BCAS3: variants seen among roughly 807,000 people sequenced by gnomAD.
BCAS3 encodes the protein BCAS4/BCAS3 fusion.
A neutral mutation model predicts 116.1 loss-of-function variants in BCAS3; 53 were observed. The observed-to-expected ratio is 0.46, with a 90% confidence interval of 0.37 to 0.57. BCAS3 has a LOEUF of 0.57. Among genes scored for constraint, BCAS3 ranks in the 20% least tolerant of loss-of-function variants. The pLI is 0.00. For missense variants in BCAS3, 917 were observed against 1,165.4 expected (o/e 0.79, Z 3.10); for synonymous variants, 391 against 408.2 (o/e 0.96, Z 0.51).
intron 22 of BCAS3, among the ~76,000 whole-genome samples, chr17:61,263,686 CT>C (rs1379719056): frequency 6.6e-6 from 1 of 152,170 alleles, no homozygotes; most frequent in Non-Finnish European, 1.5e-5. Flanking sequence ...CCTATTATGA[CT>C]TTTATTTAAA....
rs540264052 is a variant in BCAS3, at chr17:61,348,897, C to T, written c.2426-19430C>T. Among the ~76,000 whole-genome samples, 4 of 152,070 alleles carry T rather than the reference C, an allele frequency of 2.6e-5. No homozygotes were observed. In the South Asian group the frequency reaches 6.3e-4, roughly 24 times the overall value. ...CTTCCCGAGTAGCTGGGACTACAGG[C>T]GCCCACCGCCACACACGGCTAACTT... On this transcript the variant is annotated intron_variant, in intron 22 of 23. Transcript: ENST00000407086. The surrounding 1 kb of genome is among the most constrained non-coding windows in gnomAD (Gnocchi z 4.5).
chr17:61,056,493 TTAAAA>T lies in BCAS3; in HGVS notation c.2029+15606_2029+15610del, dbSNP rs1350832670. Among the ~76,000 whole-genome samples the T allele has an allele frequency of 3.3e-5, 5 of 152,206 alleles. No homozygotes were observed. The East Asian group carries it at 5.8e-4, about 18-fold the overall frequency. On this transcript the variant is annotated intron_variant, in intron 19 of 23. Transcript: ENST00000407086. This position sits in a 1 kb window ranked among gnomAD's most constrained non-coding sequence, Gnocchi z 4.9. ...TTATACTTTATTTTAATTAAAGTAT[TTAAAA>T]TAAATTTATAAAGTATAAAAATTCT...
At chr17:61,360,424 G>T (rs2058392525) in intron 22 of BCAS3, among the ~76,000 whole-genome samples, 1 of 152,170 alleles carries the variant, frequency 6.6e-6, no homozygotes, top group African/African-American at 2.4e-5. Context: ...CTGCTTTAAG[G>T]AATTACCATA....
intron 12 of BCAS3, among the ~76,000 whole-genome samples, chr17:60,915,184 C>T (rs2058715919): frequency 6.6e-6 from 1 of 152,114 alleles, no homozygotes; most frequent in Non-Finnish European, 1.5e-5. Context: ...CTTCCTCCAG[C>T]TTAACCTGAA....
At chr17:61,351,871 G>C (rs1351995124) in intron 22 of BCAS3, among the ~76,000 whole-genome samples, 1 of 152,184 alleles carries the variant, frequency 6.6e-6, no homozygotes, top group Admixed American at 6.5e-5. Context: ...ACTCGTTTCA[G>C]ATATTCACAA....
chr17:61,046,035 TTATA>T (rs1238093293), intron 19 of BCAS3, among the ~76,000 whole-genome samples: 3 of 12,324 alleles, frequency 2.4e-4, no homozygotes, highest in Non-Finnish European at 3.3e-4. Context: ...ATATATATAT[TTATA>T]TATATATAAT....
rs376592009 is a variant in BCAS3 at position 61,332,923 on chromosome 17, A to G, written c.2426-35404A>G. On this transcript the variant is annotated intron_variant, in intron 22 of 23. Coordinates refer to ENST00000407086, the MANE Select transcript of BCAS3 (RefSeq NM_017679.5). The surrounding 1 kb of genome is among the most constrained non-coding windows in gnomAD (Gnocchi z 5.4). Reference sequence around the variant, plus strand: ...GAGCCATGGCACCCGGCCTATCCCCATCTTAAAAAGGAGGCAGCTAAGGCT... The same window carrying G: ...GAGCCATGGCACCCGGCCTATCCCCGTCTTAAAAAGGAGGCAGCTAAGGCT... Among the ~76,000 whole-genome samples, 8 of 152,182 alleles carry G rather than the reference A, an allele frequency of 5.3e-5. No homozygotes were observed. The highest frequency in any genetic ancestry group is 1.9e-4 in the African/African-American group (8 of 41,454).
intron 22 of BCAS3, among the ~76,000 whole-genome samples, chr17:61,301,590 T>C (rs1199244151): frequency 6.6e-6 from 1 of 152,098 alleles, no homozygotes; most frequent in African/African-American, 2.4e-5. Flanking sequence ...TGAGCCGAGA[T>C]TGCACCATTG....
At chr17:60,771,553 C>CTT (rs201696595) in intron 6 of BCAS3, among the ~76,000 whole-genome samples, 3 of 149,910 alleles carry the variant, frequency 2.0e-5, no homozygotes, top group Admixed American at 6.7e-5. Context: ...TGACGGGTAT[C>CTT]TTTTTTTTTT....
At chr17:60,809,397 G>A (rs2048586053) in intron 7 of BCAS3, among the ~76,000 whole-genome samples, 1 of 152,144 alleles carries the variant, frequency 6.6e-6, no homozygotes, top group Non-Finnish European at 1.5e-5. Context: ...AAGTGTTTAA[G>A]CTTGAGAAAC....
At chr17:61,345,335 A>T (rs2057443877) in intron 22 of BCAS3, among the ~76,000 whole-genome samples, 1 of 152,048 alleles carries the variant, frequency 6.6e-6, no homozygotes, top group African/African-American at 2.4e-5. Flanking sequence ...CACTTTTAGG[A>T]TGTGTGGACT....
chr17:61,087,906 G>A lies in BCAS3; in HGVS notation c.2425+3342G>A, dbSNP rs892150262. Among the ~76,000 whole-genome samples the A allele has an allele frequency of 1.3e-5, 2 of 152,054 alleles. No homozygotes were observed. The highest frequency in any genetic ancestry group is 4.8e-5 in the African/African-American group (2 of 41,388). ...GATTCTAATGACACCATACCAGCTG[G>A]GCGCAGTGGATCACAACTATAATCC... is the stretch of plus-strand genomic sequence containing the variant. On this transcript the variant is annotated intron_variant, in intron 22 of 23. Coordinates refer to ENST00000407086, the MANE Select transcript of BCAS3 (RefSeq NM_017679.5). This position sits in a 1 kb window ranked among gnomAD's most constrained non-coding sequence, Gnocchi z 4.6.
At chr17:61,147,331 C>T (rs1044004050) in intron 22 of BCAS3, among the ~76,000 whole-genome samples, 7 of 152,132 alleles carry the variant, frequency 4.6e-5, no homozygotes, top group African/African-American at 1.7e-4. Context: ...CCGCCTCAGC[C>T]TCCCAAAGTG....
At chr17:60,979,783 T>C (rs1421394014) in intron 14 of BCAS3, among the ~76,000 whole-genome samples, 7 of 152,212 alleles carry the variant, frequency 4.6e-5, no homozygotes, top group Admixed American at 3.9e-4. Flanking sequence ...GTTCTGTTTA[T>C]GTGATGGATT....
Position 61,285,507 on chromosome 17 carries a change from G to A in BCAS3, c.2426-82820G>A, listed in dbSNP as rs1000176900. Among the ~76,000 whole-genome samples, 18 of 152,210 alleles carry A rather than the reference G, an allele frequency of 1.2e-4. 1 individual carries two copies. The highest frequency in any genetic ancestry group is 1.8e-4 in the Non-Finnish European group (12 of 68,018). On this transcript the variant is annotated intron_variant, in intron 22 of 23. Transcript: ENST00000407086. The surrounding 1 kb of genome is among the most constrained non-coding windows in gnomAD (Gnocchi z 5.4). Reference sequence around the variant, plus strand: ...GACTAGACTAGACTAGAGGATTGACGCAGTGAAAATGTTTACTCCTCTAAT... The same window carrying A: ...GACTAGACTAGACTAGAGGATTGACACAGTGAAAATGTTTACTCCTCTAAT...
chr17:60,988,360 TATGTA>T (rs2067337582), intron 14 of BCAS3, among the ~76,000 whole-genome samples: 82 of 134,778 alleles, frequency 6.1e-4, no homozygotes, highest in African/African-American at 9.5e-4. Flanking sequence ...TTTTTTTTTT[TATGTA>T]TGTGTTTGGT....
chr17:60,848,459 G>A (rs74257526), intron 7 of BCAS3, among the ~76,000 whole-genome samples: 4,613 of 152,084 alleles, frequency 0.03, 180 homozygotes, highest in East Asian at 0.092. Context: ...TATCAGTTCT[G>A]GTACTTTTAT....
chr17:61,336,273 A>G (rs970356883), intron 22 of BCAS3, among the ~76,000 whole-genome samples: 2 of 152,262 alleles, frequency 1.3e-5, no homozygotes, highest in African/African-American at 4.8e-5. Flanking sequence ...CCCAGATGTC[A>G]TTGCATACAT....
intron 14 of BCAS3, among the ~76,000 whole-genome samples, chr17:60,974,621 A>G (rs1387905926): frequency 6.6e-6 from 1 of 152,202 alleles, no homozygotes; most frequent in East Asian, 1.9e-4. Context: ...TTGGTTTCTG[A>G]TTAGCCAAAT....
Sources: gnomAD v4.1 joint callset for allele counts (sites outside exome capture counted in the v4.1 genomes callset) on GRCh38, gnomAD v4.1.1 for gene constraint, Gnocchi (gnomAD v3.1) non-coding constraint, MANE v1.5 for transcripts, NCBI Gene and HGNC (gene_info 2026-07-23, HGNC 2026-07-21) for gene names.